The following ORC3 variants were observed in gnomAD, a reference collection of about 807,000 sequenced individuals.
ORC3 encodes origin recognition complex subunit 3, also known as homolog of latheo, Drosophila.
ORC3 carries 78 observed loss-of-function variants against 100.7 expected under a neutral mutation model. The ratio of observed to expected loss-of-function variants is 0.77; its 90% CI spans 0.65 to 0.94. The LOEUF is 0.94. Ranked by LOEUF, ORC3 falls within the 40% of genes least tolerant of loss-of-function variation. The probability of loss-of-function intolerance (pLI) is 0.00; values close to 1 mark genes in which losing one functional copy is unlikely to be tolerated. For missense variants in ORC3, 789 were observed against 823.9 expected, an observed-to-expected ratio of 0.96 and a Z score of 0.52; for synonymous variants, 295 against 289.3, an observed-to-expected ratio of 1.02 and a Z score of -0.20.
intron 16 of ORC3, among the ~76,000 whole-genome samples, chr6:87,659,291 T>G (rs1389110899): frequency 6.6e-6 from 1 of 151,792 alleles, no homozygotes; most frequent in East Asian, 2.0e-4. Flanking sequence ...CCTGAACTCC[T>G]GACCTCATGA....
rs543916054 is a variant in ORC3 at position 87,606,360 on chromosome 6, T to C, written c.427+339T>C. 4.6e-5 allele frequency among the ~76,000 whole-genome samples: 7 copies of C among 152,250 alleles called. No individual in the cohort carries two copies. The East Asian group carries it at 1.4e-3, about 29-fold the overall frequency. On this transcript the variant is annotated intron_variant, in intron 5 of 19. Transcript: ENST00000392844. ...TGAGAATTGGGGAATGAGGAGCTCT[T>C]GTCAGCTCAAAAGAGAGTAGACCAC...
chr6:87,598,425 T>C (rs1045770648), intron 2 of ORC3, among the ~76,000 whole-genome samples: 3 of 152,208 alleles, frequency 2.0e-5, no homozygotes, highest in African/African-American at 4.8e-5. Flanking sequence ...CTCAATGTTA[T>C]AATGTTAGTA....
intron 7 of ORC3, among the ~76,000 whole-genome samples, chr6:87,611,463 T>C (rs1279848198): frequency 1.3e-5 from 2 of 152,084 alleles, no homozygotes; most frequent in Non-Finnish European, 2.9e-5. Flanking sequence ...AATGGAATGG[T>C]ATCTAACATC....
At chr6:87,610,239 C>T (rs1391862202) in intron 7 of ORC3, among the ~76,000 whole-genome samples, 2 of 151,950 alleles carry the variant, frequency 1.3e-5, no homozygotes, top group African/African-American at 2.4e-5. Flanking sequence ...GACAGAGTCT[C>T]GCTCTGTCCC....
rs2307381 is a variant in ORC3, at chr6:87,612,235, C to T, written c.860C>T (p.Thr287Met). 477 of 1,604,652 alleles carry T rather than the reference C, an allele frequency of 3.0e-4. 4 individuals carry two copies. In the African/African-American group the frequency reaches 4.2e-3, roughly 14 times the overall value. ...QSLSCKEHLT[T>M]VLDKLLLTTQ... Reference sequence around the variant, plus strand: ...TTGTCTTGTAAGGAGCACCTGACTACGGTACTCGATAAGGTAAAAAGAATA... The same window carrying T: ...TTGTCTTGTAAGGAGCACCTGACTATGGTACTCGATAAGGTAAAAAGAATA... Residue 287 changes from threonine (T) to methionine (M), a missense_variant, in exon 8 of 20, where the codon ACG becomes ATG. Around this residue, in one of 3 missense-constraint regions of ORC3, gnomAD observed 399 missense variants for 382.0 expected, o/e 1.04. Transcript: ENST00000392844.
At position 87,667,154 on chromosome 6, in the gene ORC3, A is replaced by C. The variant is rs368993527; in HGVS notation, c.*31A>C. 42 of 1,304,178 alleles carry C rather than the reference A, an allele frequency of 3.2e-5. No individual in the cohort carries two copies. In the African/African-American group the frequency reaches 5.9e-4, roughly 18 times the overall value. 80.8% of individuals were successfully genotyped at this position (1,304,178 alleles called of 1,614,324 possible). On this transcript the variant is annotated 3_prime_UTR_variant, in exon 20 of 20. Transcript: ENST00000392844. The stretch of plus-strand genomic sequence containing the variant: ...AAATAAGCAAAGCCAGAACTATCAC[A>C]TTTAGCTTAAGAGAAAAAGGTGACC...
In ORC3 at chr6:87,634,996, T is replaced by G. The variant is rs1767706348; in HGVS notation, c.1302+35T>G. 3 of 1,026,052 alleles carry G rather than the reference T, an allele frequency of 2.9e-6. No individual in the cohort carries two copies. In the East Asian group the frequency reaches 7.1e-5, roughly 24 times the overall value. The allele number at this position is 1,026,052 out of a possible 1,614,324, so 63.6% of individuals were successfully genotyped here. On this transcript the variant is annotated intron_variant, in intron 12 of 19. Transcript: ENST00000392844. ...GCCTCCTCATTTGTAATCCATGAAG[T>G]AGGAATGTTAGTATTTTCTTGCTTT...
downstream of ORC3, among the ~76,000 whole-genome samples, chr6:87,670,638 AAAGG>A (rs2128298607): frequency 6.6e-6 from 1 of 152,330 alleles, no homozygotes; most frequent in East Asian, 1.9e-4. Flanking sequence ...AATATCTTAC[AAAGG>A]AAGTATTCTG....
intron 8 of ORC3, among the ~76,000 whole-genome samples, chr6:87,615,226 C>G (rs1314662395): frequency 1.3e-5 from 2 of 152,146 alleles, no homozygotes; most frequent in African/African-American, 4.8e-5. Context: ...GACTTATTCA[C>G]TGTCATGAGA....
At chr6:87,673,827 A>G in the ORC3 span, among the ~76,000 whole-genome samples, 2 of 151,086 alleles carry the variant, frequency 1.3e-5, no homozygotes, top group East Asian at 4.0e-4. Flanking sequence ...GTGACAGAGC[A>G]AGACTCCATC....
intron 9 of ORC3, among the ~76,000 whole-genome samples, chr6:87,617,885 G>A (rs1779269881): frequency 6.6e-6 from 1 of 152,042 alleles, no homozygotes. Context: ...AAAAAAGATT[G>A]CAGTGGTTTC....
chr6:87,611,226 C>T (rs1014172352), intron 7 of ORC3, among the ~76,000 whole-genome samples: 2 of 151,968 alleles, frequency 1.3e-5, no homozygotes, highest in East Asian at 1.9e-4. Context: ...CATGAACCAT[C>T]GCACCCAGCC....
intron 19 of ORC3, among the ~76,000 whole-genome samples, chr6:87,666,548 C>T (rs998853226): frequency 6.6e-6 from 1 of 150,600 alleles, no homozygotes; most frequent in African/African-American, 2.5e-5. Flanking sequence ...AAGCGATTCT[C>T]CTGCCTCAGC....
chr6:87,636,403 ACAGAT>A lies in ORC3; in HGVS notation c.1304_1308del (p.Ile435ArgfsTer31). The A allele has an allele frequency of 6.3e-7, 1 of 1,593,024 alleles. No individual in the cohort carries two copies. Among genetic ancestry groups the A allele is most frequent in the Non-Finnish European group, 8.6e-7 (1 of 1,161,338 alleles). On this transcript the variant is annotated splice_acceptor_variant and splice_polypyrimidine_tract_variant and coding_sequence_variant and intron_variant, in exon 13 of 20. Transcript: ENST00000392844. LOFTEE classifies it high-confidence loss of function. Reference sequence around the variant, plus strand: ...TTCCTCACAAATGTGTTGTTCCCTTACAGATCAGAGAGTTGTACTGTACATGTTTA... The same window carrying A: ...TTCCTCACAAATGTGTTGTTCCCTTACAGAGAGTTGTACTGTACATGTTTA...
At chr6:87,602,412 C>T (rs1777972739) in intron 3 of ORC3, among the ~76,000 whole-genome samples, 2 of 151,724 alleles carry the variant, frequency 1.3e-5, no homozygotes, top group Non-Finnish European at 2.9e-5. Flanking sequence ...AGCTCTGAAA[C>T]ATTTCTTCAC....
At chr6:87,657,222 T>C (rs886697345) in intron 15 of ORC3, among the ~76,000 whole-genome samples, 4 of 152,184 alleles carry the variant, frequency 2.6e-5, no homozygotes, top group African/African-American at 4.8e-5. Flanking sequence ...TCCTGTGGGC[T>C]CAGCAAGAGA....
Position 87,647,727 on chromosome 6 carries a change from G to A in ORC3, c.1383-5389G>A, listed in dbSNP as rs117061458. On this transcript the variant is annotated intron_variant, in intron 13 of 19. Coordinates refer to ENST00000392844, the MANE Select transcript of ORC3 (RefSeq NM_012381.4). ...AGTGTGCATTCAATAAATATCTCTT[G>A]AATGATTGGTTCATGACTGACAAAG... Among the ~76,000 whole-genome samples, 553 of 152,262 alleles carry A rather than the reference G, an allele frequency of 3.6e-3. 2 individuals are homozygous for A. The highest frequency in any genetic ancestry group is 6.6e-3 in the South Asian group (32 of 4,820).
intron 1 of ORC3, among the ~76,000 whole-genome samples, chr6:87,591,769 G>A (rs534714479): frequency 6.6e-6 from 1 of 151,786 alleles, no homozygotes; most frequent in East Asian, 1.9e-4. Flanking sequence ...GTCTTGCTCT[G>A]TTACCAGGCT....
chr6:87,617,809 T>C (rs1239749111), intron 9 of ORC3, among the ~76,000 whole-genome samples: 2 of 152,234 alleles, frequency 1.3e-5, no homozygotes, highest in Non-Finnish European at 2.9e-5. Flanking sequence ...AAATTCAATT[T>C]GATAATACTT....
Sources: gnomAD v4.1 joint callset for allele counts (sites outside exome capture counted in the v4.1 genomes callset) on GRCh38, gnomAD v4.1.1 for gene constraint, gnomAD v4.1.1 regional missense constraint, MANE v1.5 for transcripts, NCBI Gene and HGNC (gene_info 2026-07-23, HGNC 2026-07-21) for gene names.